NAV2: variants seen among roughly 807,000 people sequenced by gnomAD.
NAV2 encodes neuron navigator 2, also known as helicase, APC down-regulated 1.
NAV2 carries 54 observed loss-of-function variants against 223.2 expected under a neutral mutation model. The ratio of observed to expected loss-of-function variants is 0.24; its 90% CI spans 0.19 to 0.30. The LOEUF (loss-of-function observed/expected upper bound fraction) is 0.30. Ranked by LOEUF, NAV2 falls within the 10% of genes least tolerant of loss-of-function variation. The probability of loss-of-function intolerance (pLI) is 1.00; values close to 1 mark genes in which losing one functional copy is unlikely to be tolerated. For synonymous variants in NAV2, 1,279 were observed against 1,239.3 expected (o/e 1.03, Z -0.67); for missense variants, 2,806 against 3,147.5 (o/e 0.89, Z 2.60).
intron 1 of NAV2, among the ~76,000 whole-genome samples, chr11:19,517,195 T>A (rs192985804): frequency 6.6e-6 from 1 of 152,298 alleles, no homozygotes; most frequent in African/African-American, 2.4e-5. Flanking sequence ...TGTTACATGA[T>A]CCCTTTAGAG....
At chr11:19,457,914 G>T (rs1852012689) in intron 1 of NAV2, among the ~76,000 whole-genome samples, 1 of 152,100 alleles carries the variant, frequency 6.6e-6, no homozygotes, top group African/African-American at 2.4e-5. Flanking sequence ...CACAGAAGTG[G>T]GTTGCTGGGA....
intron 1 of NAV2, among the ~76,000 whole-genome samples, chr11:19,766,485 GTC>G (rs2055238575): frequency 6.6e-6 from 1 of 152,218 alleles, no homozygotes; most frequent in Non-Finnish European, 1.5e-5. Context: ...CAGTGCTGAT[GTC>G]TCTTAAGGAG....
At chr11:19,979,921 A>G (rs2153446749) in intron 10 of NAV2, among the ~76,000 whole-genome samples, 1 of 152,348 alleles carries the variant, frequency 6.6e-6, no homozygotes, top group Non-Finnish European at 1.5e-5. Flanking sequence ...TCATCTGAAC[A>G]ATAGAGATGA....
At position 19,933,282 on chromosome 11, in the gene NAV2, G is replaced by A. The variant is rs774257586; in HGVS notation, c.1038G>A (p.Ser346=). The A allele has an allele frequency of 5.0e-5, 80 of 1,613,220 alleles. No homozygotes were observed. The highest frequency in any genetic ancestry group is 5.9e-5 in the Non-Finnish European group (70 of 1,179,676). Residue 346 remains serine, a synonymous_variant, in exon 7 of 38, where the codon TCG becomes TCA. Coordinates refer to ENST00000349880, the MANE Select transcript of NAV2 (RefSeq NM_145117.5). The surrounding 1 kb of genome is among the most constrained non-coding windows in gnomAD (Gnocchi z 4.3). The part of the protein sequence containing the change: ...SSTPTNCSTS[S]AIPQPGAATK... ...CCCCTACTAATTGCAGTACCTCCTC[G>A]GCCATCCCGCAGCCCGGTGCAGCCA...
At chr11:19,922,730 T>G (rs2044382614) in intron 6 of NAV2, among the ~76,000 whole-genome samples, 1 of 152,168 alleles carries the variant, frequency 6.6e-6, no homozygotes, top group African/African-American at 2.4e-5. Flanking sequence ...GAGAAAAGAA[T>G]GCCTTAAAGT....
intron 11 of NAV2, chr11:20,027,498 C>T (rs368007795): frequency 7.2e-6 from 7 of 976,636 alleles, no homozygotes; most frequent in East Asian, 2.3e-4. Flanking sequence ...GTCACAGCTG[C>T]GCAGTGTGAG....
At chr11:19,792,533 T>C (rs550547215) in intron 1 of NAV2, among the ~76,000 whole-genome samples, 2 of 152,304 alleles carry the variant, frequency 1.3e-5, no homozygotes. Flanking sequence ...CCTCTATTCC[T>C]CCTTGCTGCT....
At chr11:19,929,581 T>C (rs1344442544) in intron 6 of NAV2, among the ~76,000 whole-genome samples, 1 of 152,156 alleles carries the variant, frequency 6.6e-6, no homozygotes, top group Non-Finnish European at 1.5e-5. Flanking sequence ...AATGCCCCCA[T>C]GACTTAATAA....
intron 1 of NAV2, chr11:19,777,999 C>G: frequency 2.2e-6 from 1 of 455,232 alleles, no homozygotes; most frequent in South Asian, 1.5e-5. Flanking sequence ...GAGTATGCAC[C>G]GGGTCCTCCT....
At chr11:19,945,414 AC>A (rs763223330) in intron 8 of NAV2, among the ~76,000 whole-genome samples, 54 of 146,982 alleles carry the variant, frequency 3.7e-4, no homozygotes, top group Middle Eastern at 3.4e-3. Flanking sequence ...ACTCTCTGTT[AC>A]CCAGGCTGGA....
intron 1 of NAV2, among the ~76,000 whole-genome samples, chr11:19,727,444 A>T (rs1244794211): frequency 6.6e-6 from 1 of 152,154 alleles, no homozygotes; most frequent in African/African-American, 2.4e-5. Context: ...TCATTCTAGC[A>T]TGTGGTTATG....
chr11:19,852,345 G>T (rs1328439484), intron 3 of NAV2, among the ~76,000 whole-genome samples: 1 of 152,190 alleles, frequency 6.6e-6, no homozygotes, highest in East Asian at 1.9e-4. Context: ...TTACTGGAAG[G>T]TGCCTCTATT....
chr11:19,777,968 A>G (rs2056413616), intron 1 of NAV2: 1 of 455,334 alleles, frequency 2.2e-6, no homozygotes, highest in African/African-American at 2.0e-5. Context: ...TCTGTGGGGA[A>G]TACATGAGCC....
At chr11:20,104,088 C>A in intron 34 of NAV2, 1 of 257,894 alleles carries the variant, frequency 3.9e-6, no homozygotes, top group Non-Finnish European at 7.5e-6. Context: ...TTTCCAGTGG[C>A]GTCTCTCTGT....
chr11:19,847,491 C>G (rs1174992649), intron 3 of NAV2, among the ~76,000 whole-genome samples: 1 of 152,168 alleles, frequency 6.6e-6, no homozygotes, highest in Non-Finnish European at 1.5e-5. Flanking sequence ...CTCAGTGCAT[C>G]TAGACGGAGG....
chr11:19,788,522 G>A (rs1460064331), intron 1 of NAV2, among the ~76,000 whole-genome samples: 1 of 152,134 alleles, frequency 6.6e-6, no homozygotes, highest in Non-Finnish European at 1.5e-5. Flanking sequence ...TTAGAGAACT[G>A]CCATAATCTC....
chr11:19,742,758 T>A (rs2152464390), intron 1 of NAV2, among the ~76,000 whole-genome samples: 1 of 152,350 alleles, frequency 6.6e-6, no homozygotes, highest in Non-Finnish European at 1.5e-5. Context: ...TCTGCCCTTG[T>A]CCAAGCCAGT....
chr11:19,686,693 G>A (rs901770425), intron 1 of NAV2, among the ~76,000 whole-genome samples: 1 of 152,218 alleles, frequency 6.6e-6, no homozygotes, highest in African/African-American at 2.4e-5. Context: ...ATGTTATCAT[G>A]GAGAGAGCTC....
chr11:19,998,845 T>C lies in NAV2; in HGVS notation c.2768+14598T>C, dbSNP rs1263669116. Among the ~76,000 whole-genome samples the C allele has an allele frequency of 6.6e-6, 1 of 152,210 alleles. No homozygotes were observed. Among genetic ancestry groups the C allele is most frequent in the Non-Finnish European group, 1.5e-5 (1 of 68,038 alleles). ...CAGCTGTTGGTTTCTTTTTGGAAAC[T>C]GTTTATTTGACATCTCTTACTTTCA... On this transcript the variant is annotated intron_variant, in intron 11 of 37. Transcript: ENST00000349880. This position sits in a 1 kb window ranked among gnomAD's most constrained non-coding sequence, Gnocchi z 5.0.
Sources: gnomAD v4.1 joint callset for allele counts (sites outside exome capture counted in the v4.1 genomes callset) on GRCh38, gnomAD v4.1.1 for gene constraint, Gnocchi (gnomAD v3.1) non-coding constraint, MANE v1.5 for transcripts, NCBI Gene and HGNC (gene_info 2026-07-23, HGNC 2026-07-21) for gene names.